Variants in PDE3A observed in about 807,000 individuals in gnomAD.
The protein encoded by PDE3A is cGMP-inhibited 3',5'-cyclic phosphodiesterase 3A.
A neutral mutation model predicts 98.3 loss-of-function variants in PDE3A; 43 were observed. The observed-to-expected ratio is 0.44, with a 90% CI of 0.34 to 0.56. The LOEUF (loss-of-function observed/expected upper bound fraction) is 0.56. PDE3A is among the 20% of genes least tolerant of loss of function. The pLI is 0.01. For synonymous variants in PDE3A, 663 were observed against 567.9 expected (o/e 1.17, Z -2.38); for missense variants, 1,427 against 1,440.7 (o/e 0.99, Z 0.15).
At chr12:20,592,468 CTATT>C (rs1943362587) in intron 2 of PDE3A, among the ~76,000 whole-genome samples, 1 of 152,128 alleles carries the variant, frequency 6.6e-6, no homozygotes, top group South Asian at 2.1e-4. Context: ...TTTGTTCACT[CTATT>C]TTTTTCCTTC....
At chr12:20,584,936 A>T (rs752634167) in intron 2 of PDE3A, among the ~76,000 whole-genome samples, 7 of 152,182 alleles carry the variant, frequency 4.6e-5, no homozygotes, top group Non-Finnish European at 7.4e-5. Context: ...GGTAGTTATG[A>T]TTAGGCAAGG....
At position 20,552,295 on chromosome 12, in the gene PDE3A, G is replaced by A. The variant is rs972320818; in HGVS notation, c.961-4365G>A. On this transcript the variant is annotated intron_variant, in intron 1 of 15. Coordinates refer to ENST00000359062, the MANE Select transcript of PDE3A (RefSeq NM_000921.5). This position sits in a 1 kb window ranked among gnomAD's most constrained non-coding sequence, Gnocchi z 5.1. ...CGCCCCCGCTGAGGGCAACCGCTAC[G>A]ATGGCATCTACAAGGTTGTGAAATA... 9 of 1,613,808 alleles carry A rather than the reference G, an allele frequency of 5.6e-6. No individual in the cohort carries two copies. Among genetic ancestry groups the A allele is most frequent in the South Asian group, 4.4e-5 (4 of 91,068 alleles).
At chr12:20,413,682 C>A (rs955212746) in intron 1 of PDE3A, among the ~76,000 whole-genome samples, 6 of 152,086 alleles carry the variant, frequency 3.9e-5, no homozygotes, top group Middle Eastern at 3.2e-3. Context: ...CTCTACTTGT[C>A]AAGGATTTTG....
rs558745264 is a variant in PDE3A, at chr12:20,685,335, G to T, written c.*5064G>T. 2.0e-5 allele frequency among the ~76,000 whole-genome samples: 3 copies of T among 149,924 alleles called. No homozygotes were observed. Among genetic ancestry groups the T allele is most frequent in the African/African-American group, 7.4e-5 (3 of 40,454 alleles). On this transcript the variant is annotated 3_prime_UTR_variant, in exon 16 of 16. Coordinates refer to ENST00000359062, the MANE Select transcript of PDE3A (RefSeq NM_000921.5). Reference sequence around the variant, plus strand: ...GCTGAGGCAGAATCGCTTGAACCTGGGAGGCAGAGGTTATGGTGAGCTGAG... The same window carrying T: ...GCTGAGGCAGAATCGCTTGAACCTGTGAGGCAGAGGTTATGGTGAGCTGAG...
chr12:20,571,465 A>G (rs370199264), intron 2 of PDE3A, among the ~76,000 whole-genome samples: 50 of 152,286 alleles, frequency 3.3e-4, no homozygotes, highest in African/African-American at 1.2e-3. Context: ...AACTGCATAC[A>G]TGATCCTTTT....
chr12:20,583,940 A>T (rs1376354579), intron 2 of PDE3A, among the ~76,000 whole-genome samples: 1 of 152,234 alleles, frequency 6.6e-6, no homozygotes, highest in Non-Finnish European at 1.5e-5. Context: ...AGTTTGACTG[A>T]TGAGGGCAGA....
chr12:20,394,592 A>G (rs1446744631), intron 1 of PDE3A, among the ~76,000 whole-genome samples: 3 of 152,126 alleles, frequency 2.0e-5, no homozygotes, highest in Non-Finnish European at 4.4e-5. Flanking sequence ...GAGAAGCATT[A>G]TAATGATATC....
rs185585106 is a variant in PDE3A at position 20,609,200 on chromosome 12, A to G, written c.1012-4243A>G. Among the ~76,000 whole-genome samples the G allele has an allele frequency of 2.5e-3, 373 of 152,192 alleles. 4 individuals are homozygous for G. Among genetic ancestry groups the G allele is most frequent in the Middle Eastern group, 0.01 (3 of 294 alleles). Reference sequence around the variant, plus strand: ...ATTCTACACGCACAAAAATTGTTAGAGCTAACAAATGAATTCAGTAAAGTT... The same window carrying G: ...ATTCTACACGCACAAAAATTGTTAGGGCTAACAAATGAATTCAGTAAAGTT... On this transcript the variant is annotated intron_variant, in intron 2 of 15. Transcript: ENST00000359062.
rs546416208 is a variant in PDE3A, at chr12:20,521,695, C to T, written c.961-34965C>T. On this transcript the variant is annotated intron_variant, in intron 1 of 15. Transcript: ENST00000359062. ...CATTTGTTCAACGAGTGTTATTGAG[C>T]GTCTGTTGTGCCGAACCCTCATTAA... 9.5e-4 allele frequency among the ~76,000 whole-genome samples: 145 copies of T among 152,174 alleles called. 3 individuals are homozygous for T. Among genetic ancestry groups the T allele is most frequent in the South Asian group, 8.7e-3 (42 of 4,816 alleles).
At chr12:20,572,390 ATTT>A (rs1303536300) in intron 2 of PDE3A, among the ~76,000 whole-genome samples, 2 of 152,116 alleles carry the variant, frequency 1.3e-5, no homozygotes, top group East Asian at 3.9e-4. Context: ...TTCTAGAATG[ATTT>A]TTTAAGATGT....
chr12:20,437,237 T>A (rs1944792741), intron 1 of PDE3A, among the ~76,000 whole-genome samples: 1 of 152,142 alleles, frequency 6.6e-6, no homozygotes, highest in African/African-American at 2.4e-5. Context: ...TTTCCAATTT[T>A]GCTATAAATT....
intron 2 of PDE3A, among the ~76,000 whole-genome samples, chr12:20,589,848 G>A (rs755185028): frequency 1.4e-5 from 2 of 140,380 alleles, no homozygotes; most frequent in African/African-American, 2.7e-5. Flanking sequence ...CAGCCTGGGC[G>A]ACAGAGCAAG....
At chr12:20,615,900 A>G (rs1213308442) in intron 3 of PDE3A, among the ~76,000 whole-genome samples, 1 of 151,866 alleles carries the variant, frequency 6.6e-6, no homozygotes, top group East Asian at 1.9e-4. Flanking sequence ...TAATTTTTGT[A>G]TTTTTGGTAG....
intron 1 of PDE3A, among the ~76,000 whole-genome samples, chr12:20,532,971 C>T (rs981238247): frequency 2.6e-5 from 4 of 152,208 alleles, no homozygotes; most frequent in Admixed American, 2.6e-4. Flanking sequence ...CCACCGCGCC[C>T]GGCCAGTTTC....
chr12:20,424,016 C>T (rs564141098), intron 1 of PDE3A, among the ~76,000 whole-genome samples: 3 of 152,062 alleles, frequency 2.0e-5, no homozygotes, highest in South Asian at 2.1e-4. Flanking sequence ...TAGCAGTGTT[C>T]GGTGAAGTGG....
rs145237572 is a variant in PDE3A at position 20,517,025 on chromosome 12, G to A, written c.961-39635G>A. Reference sequence around the variant, plus strand: ...CCCCAGGAGAGCACAAGATTTGCTCGTGTCTCACAGGCATTTACTGAATGG... The same window carrying A: ...CCCCAGGAGAGCACAAGATTTGCTCATGTCTCACAGGCATTTACTGAATGG... On this transcript the variant is annotated intron_variant, in intron 1 of 15. Coordinates refer to ENST00000359062, the MANE Select transcript of PDE3A (RefSeq NM_000921.5). 5.6e-3 allele frequency among the ~76,000 whole-genome samples: 849 copies of A among 152,304 alleles called. 11 individuals carry two copies. Among genetic ancestry groups the A allele is most frequent in the Middle Eastern group, 0.051 (15 of 294 alleles).
intron 1 of PDE3A, among the ~76,000 whole-genome samples, chr12:20,468,553 C>T (rs1171051716): frequency 2.0e-5 from 3 of 152,210 alleles, no homozygotes; most frequent in Non-Finnish European, 2.9e-5. Context: ...TCAAATTACA[C>T]TGACAGCAAG....
At chr12:20,679,457 C>T (rs879645480) in intron 15 of PDE3A, among the ~76,000 whole-genome samples, 6 of 152,088 alleles carry the variant, frequency 3.9e-5, no homozygotes, top group Admixed American at 1.3e-4. Flanking sequence ...CCGTGTTAGC[C>T]AGGATGGTCT....
At chr12:20,615,905 TG>T (rs1290705687) in intron 3 of PDE3A, among the ~76,000 whole-genome samples, 1 of 152,072 alleles carries the variant, frequency 6.6e-6, no homozygotes, top group East Asian at 1.9e-4. Context: ...TTTGTATTTT[TG>T]GTAGACGGGG....
Sources: gnomAD v4.1 joint callset for allele counts (sites outside exome capture counted in the v4.1 genomes callset) on GRCh38, gnomAD v4.1.1 for gene constraint, Gnocchi (gnomAD v3.1) non-coding constraint, MANE v1.5 for transcripts, NCBI Gene and HGNC (gene_info 2026-07-23, HGNC 2026-07-21) for gene names.